The following DBNL variants were observed in gnomAD, a reference collection of about 807,000 sequenced individuals.
The protein encoded by DBNL is drebrin-like protein.
A neutral mutation model predicts 62.2 loss-of-function variants in DBNL; 35 were observed. The ratio of observed to expected loss-of-function variants is 0.56; its 90% confidence interval spans 0.43 to 0.75. DBNL has a LOEUF of 0.75. DBNL is among the 30% of genes least tolerant of loss of function. The probability of loss-of-function intolerance (pLI) is 0.00; values close to 1 mark genes in which losing one functional copy is unlikely to be tolerated. For missense variants in DBNL, 495 were observed against 578.4 expected, an observed-to-expected ratio of 0.86 and a Z score of 1.48; for synonymous variants, 197 against 218.0, an observed-to-expected ratio of 0.90 and a Z score of 0.85.
At position 44,063,146 on chromosome 7, in the gene DBNL, G is replaced by T. The variant is rs2096152305; in HGVS notation, c.*2230G>T. ...AATAGCCCAGTGGTGAAAAAAATGG[G>T]GACTTCAGCCCCACCCAAGTGGCTG... On this transcript the variant is annotated 3_prime_UTR_variant, in exon 13 of 13. Coordinates refer to ENST00000448521, the MANE Select transcript of DBNL (RefSeq NM_001014436.3). 1.7e-6 allele frequency: 1 copy of T among 594,948 alleles called. No individual in the cohort carries two copies. Among genetic ancestry groups the T allele is most frequent in the Admixed American group, 2.4e-5 (1 of 41,154 alleles). 36.9% of individuals were successfully genotyped at this position (594,948 alleles called of 1,614,324 possible). A position where few individuals can be genotyped will look rare whatever the true frequency, so the allele number is the denominator to read the frequency against.
chr7:44,053,955 C>T (rs1005896364), intron 4 of DBNL, among the ~76,000 whole-genome samples: 12 of 152,118 alleles, frequency 7.9e-5, no homozygotes, highest in South Asian at 2.1e-4. Context: ...GGATTACAGG[C>T]GTGAACCACC....
At chr7:44,048,936 C>T (rs560372779) in intron 1 of DBNL, among the ~76,000 whole-genome samples, 1 of 152,146 alleles carries the variant, frequency 6.6e-6, no homozygotes, top group Non-Finnish European at 1.5e-5. Flanking sequence ...CTCACTGTAG[C>T]CTCGACCTCC....
Position 44,059,068 on chromosome 7 carries a change from G to C in DBNL, c.835+85G>C, listed in dbSNP as rs2096142832. 7.0e-7 allele frequency: 1 copy of C among 1,435,700 alleles called. No homozygotes were observed. Among genetic ancestry groups the C allele is most frequent in the Non-Finnish European group, 9.7e-7 (1 of 1,028,606 alleles). 88.9% of individuals were successfully genotyped at this position (1,435,700 alleles called of 1,614,324 possible). ...TCCTATGTGGGCTCCCCCAAGGCTAGTGACAGATATATCGGTGACGGGTGA... is the reference window on the plus strand; with the variant it reads ...TCCTATGTGGGCTCCCCCAAGGCTACTGACAGATATATCGGTGACGGGTGA... On this transcript the variant is annotated intron_variant, in intron 9 of 12. Transcript: ENST00000448521. This position sits in a 1 kb window ranked among gnomAD's most constrained non-coding sequence, Gnocchi z 4.1.
At chr7:44,047,239 C>T (rs375312905) in intron 1 of DBNL, among the ~76,000 whole-genome samples, 55 of 152,322 alleles carry the variant, frequency 3.6e-4, no homozygotes, top group African/African-American at 1.1e-3. Flanking sequence ...TCTCTGTCCT[C>T]GGTGCTTGAG....
At chr7:44,047,807 G>A (rs1375386038) in intron 1 of DBNL, among the ~76,000 whole-genome samples, 6 of 152,054 alleles carry the variant, frequency 3.9e-5, no homozygotes, top group Admixed American at 2.6e-4. Flanking sequence ...GAGCCTCTGC[G>A]CTGGGAACAT....
At chr7:44,054,171 G>GT (rs539431440) in intron 4 of DBNL, among the ~76,000 whole-genome samples, 1 of 151,986 alleles carries the variant, frequency 6.6e-6, no homozygotes, top group Admixed American at 6.6e-5. Flanking sequence ...TTTTATCAGA[G>GT]TTTTTTTTAA....
At position 44,067,034 on chromosome 7, in the gene DBNL, T is replaced by C. The variant is rs1030473513; in HGVS notation, c.*6118T>C. 3 of 152,348 alleles carry C rather than the reference T, an allele frequency of 2.0e-5. No homozygotes were observed. The highest frequency in any genetic ancestry group is 4.4e-5 in the Non-Finnish European group (3 of 68,178). 9.4% of individuals were successfully genotyped at this position (152,348 alleles called of 1,614,324 possible). On this transcript the variant is annotated 3_prime_UTR_variant, in exon 13 of 13. Coordinates refer to ENST00000448521, the MANE Select transcript of DBNL (RefSeq NM_001014436.3). ...TACCAGCAGCTAAACATGCCTACCG[T>C]AGATAGCACCAGATGCTAGGAAGGA...
intron 8 of DBNL, 148 bp downstream of exon 8, chr7:44,058,628 G>C: frequency 4.4e-6 from 5 of 1,125,310 alleles, no homozygotes; most frequent in Non-Finnish European, 6.4e-6. Context: ...TCAAGAGGTG[G>C]CAGTAGAGAG....
intron 1 of DBNL, among the ~76,000 whole-genome samples, chr7:44,047,938 CAA>C (rs1211810299): frequency 2.0e-4 from 21 of 103,268 alleles, no homozygotes; most frequent in African/African-American, 7.2e-4. Flanking sequence ...TTTTTTGAGA[CAA>C]GAGTCTTGCT....
Position 44,050,318 on chromosome 7 carries a change from G to T in DBNL, c.139+38G>T. On this transcript the variant is annotated intron_variant, in intron 2 of 12. Coordinates refer to ENST00000448521, the MANE Select transcript of DBNL (RefSeq NM_001014436.3). Reference sequence around the variant, plus strand: ...CCAAATGGACTCAGGGACACCAGGAGGTAGGAGGGTGACGACGAGGGGTCA... The same window carrying T: ...CCAAATGGACTCAGGGACACCAGGATGTAGGAGGGTGACGACGAGGGGTCA... The T allele has an allele frequency of 3.1e-6, 5 of 1,611,222 alleles. No homozygotes were observed. In the South Asian group the frequency reaches 5.5e-5, roughly 18 times the overall value.
At chr7:44,051,790 G>A in intron 2 of DBNL, 40 bp from the exon 3 acceptor site, 1 of 1,606,496 alleles carries the variant, frequency 6.2e-7, no homozygotes, top group Non-Finnish European at 8.5e-7. Context: ...AGCAGGGAAT[G>A]TCAGGGCCAC....
In DBNL at chr7:44,065,449, A is replaced by T; in HGVS notation, c.*4533A>T. 6.2e-7 allele frequency: 1 copy of T among 1,614,044 alleles called. No individual in the cohort carries two copies. The highest frequency in any genetic ancestry group is 8.5e-7 in the Non-Finnish European group (1 of 1,180,036). ...CGGTCCCCTTTTCACTCAGCTCTGC[A>T]TCGAACCAGCCACAGAAACGGTTCT... On this transcript the variant is annotated 3_prime_UTR_variant, in exon 13 of 13. Coordinates refer to ENST00000448521, the MANE Select transcript of DBNL (RefSeq NM_001014436.3).
At position 44,051,750 on chromosome 7, in the gene DBNL, T is replaced by C. The variant is rs780431105; in HGVS notation, c.140-80T>C. The C allele has an allele frequency of 2.4e-5, 33 of 1,351,122 alleles. 1 individual carries two copies. In the South Asian group the frequency reaches 3.7e-4, roughly 15 times the overall value. 83.7% of individuals were successfully genotyped at this position (1,351,122 alleles called of 1,614,324 possible). On this transcript the variant is annotated intron_variant, in intron 2 of 12. Transcript: ENST00000448521. ...TGAGAAGCCCTGGTTTAGAAGCAGC[T>C]CGGCCTCCCTTCATGGTGGGACCAG...
rs761327805 is a variant in DBNL, at chr7:44,062,731, G to T, written c.*1815G>T. The T allele has an allele frequency of 2.5e-6, 4 of 1,610,606 alleles. 1 individual carries two copies. The Admixed American group carries it at 6.7e-5, about 27-fold the overall frequency. On this transcript the variant is annotated 3_prime_UTR_variant, in exon 13 of 13. Coordinates refer to ENST00000448521, the MANE Select transcript of DBNL (RefSeq NM_001014436.3). ...CGGCTGCGCTGGACTCCAGGCTGTT[G>T]GGGGAGGTGCCTTTATTGCCCAAGC...
In DBNL at chr7:44,060,728, G is replaced by T. The variant is rs1250211856; in HGVS notation, c.1154-49G>T. ...TGCCGTGGGCTGCCCGAGCAGGTGGGATGTGGGAGGGAGCCCCTGATATGC... is the reference window on the plus strand; with the variant it reads ...TGCCGTGGGCTGCCCGAGCAGGTGGTATGTGGGAGGGAGCCCCTGATATGC... On this transcript the variant is annotated intron_variant, in intron 12 of 12. Transcript: ENST00000448521. The surrounding 1 kb of genome is among the most constrained non-coding windows in gnomAD (Gnocchi z 6.3). 6.3e-7 allele frequency: 1 copy of T among 1,597,980 alleles called. No individual in the cohort carries two copies. Among genetic ancestry groups the T allele is most frequent in the Non-Finnish European group, 8.6e-7 (1 of 1,169,462 alleles).
At position 44,065,807 on chromosome 7, in the gene DBNL, C is replaced by T; in HGVS notation, c.*4891C>T. ...AACCAGCTGGCACCCAGAGCCCAGA[C>T]TGAGTGGGGCTGCTGGTCAGGGATG... On this transcript the variant is annotated 3_prime_UTR_variant, in exon 13 of 13. Coordinates refer to ENST00000448521, the MANE Select transcript of DBNL (RefSeq NM_001014436.3). The T allele has an allele frequency of 1.8e-6, 1 of 541,124 alleles. No homozygotes were observed. The highest frequency in any genetic ancestry group is 3.1e-5 in the Admixed American group (1 of 32,234). 33.5% of individuals were successfully genotyped at this position (541,124 alleles called of 1,614,324 possible). A position where few individuals can be genotyped will look rare whatever the true frequency, so the allele number is the denominator to read the frequency against.
In DBNL at chr7:44,063,247, G is replaced by T; in HGVS notation, c.*2331G>T. The T allele has an allele frequency of 2.3e-6, 1 of 440,272 alleles. No individual in the cohort carries two copies. Among genetic ancestry groups the T allele is most frequent in the Non-Finnish European group, 4.2e-6 (1 of 239,074 alleles). The allele number at this position is 440,272 out of a possible 1,614,324, so 27.3% of individuals were successfully genotyped here. A position where few individuals can be genotyped will look rare whatever the true frequency, so the allele number is the denominator to read the frequency against. On this transcript the variant is annotated 3_prime_UTR_variant, in exon 13 of 13. Transcript: ENST00000448521. ...CCAGACTGAAGTTGAGGGTCAGGAA[G>T]GGACACTCACCCTTTGTTTTTTTTT...
chr7:44,058,663 G>A (rs979321291), intron 8 of DBNL, 183 bp downstream of exon 8: 2 of 920,292 alleles, frequency 2.2e-6, no homozygotes, highest in African/African-American at 3.3e-5. Flanking sequence ...GAAGCGTCGG[G>A]CTTGGACCAC....
At position 44,059,374 on chromosome 7, in the gene DBNL, C is replaced by T. The variant is rs1007238810; in HGVS notation, c.856C>T (p.Leu286=). 1 of 1,614,064 alleles carries T rather than the reference C, an allele frequency of 6.2e-7. No homozygotes were observed. The highest frequency in any genetic ancestry group is 8.5e-7 in the Non-Finnish European group (1 of 1,179,990). ...PQPGKLRSPF[L]QKQLTQPETH... is the part of the protein sequence containing the mutation. ...TGCAGGCAAGCTGAGGAGCCCCTTCCTGCAGAAGCAGCTCACCCAACCAGA... is the reference window on the plus strand; with the variant it reads ...TGCAGGCAAGCTGAGGAGCCCCTTCTTGCAGAAGCAGCTCACCCAACCAGA... The change falls in exon 10 of 13, where the codon CTG becomes TTG. Residue 286 remains leucine, a synonymous_variant. Transcript: ENST00000448521. This position sits in a 1 kb window ranked among gnomAD's most constrained non-coding sequence, Gnocchi z 4.1.
Sources: allele counts gnomAD v4.1 joint callset (sites outside exome capture counted in the v4.1 genomes callset), GRCh38; gene constraint gnomAD v4.1.1; non-coding constraint Gnocchi (gnomAD v3.1); transcripts MANE v1.5; gene names NCBI Gene and HGNC (gene_info 2026-07-23, HGNC 2026-07-21).